The following BLTP3A variants were observed in gnomAD, a reference collection of about 807,000 sequenced individuals.
BLTP3A encodes the protein bridge-like lipid transfer protein family member 3A, also known as ICBP90 binding protein 1.
chr6:34,823,177 A>G, the BLTP3A span: 2 of 1,217,100 alleles, frequency 1.6e-6, no homozygotes, highest in South Asian at 2.4e-5. Flanking sequence ...GAGCACGGAG[A>G]TGAATGACAC....
chr6:34,835,921 A>G, the BLTP3A span, among the ~76,000 whole-genome samples: 1,291 of 152,338 alleles, frequency 8.5e-3, 19 homozygotes, highest in African/African-American at 0.027. Flanking sequence ...TGGGAGGGCA[A>G]TTCAGAACTA....
the BLTP3A span, chr6:34,856,971 T>C: frequency 6.3e-7 from 1 of 1,595,906 alleles, no homozygotes. Flanking sequence ...GGTGGAGCAG[T>C]TTACTTGGAA....
chr6:34,830,307 G>A, the BLTP3A span, among the ~76,000 whole-genome samples: 1 of 151,882 alleles, frequency 6.6e-6, no homozygotes, highest in African/African-American at 2.4e-5. Context: ...CCACAGAGCC[G>A]GCTGGGTGTG....
At chr6:34,864,522 CTTTT>C in the BLTP3A span, among the ~76,000 whole-genome samples, 6 of 109,448 alleles carry the variant, frequency 5.5e-5, no homozygotes, top group Non-Finnish European at 3.7e-5. Flanking sequence ...TGCTTATAGT[CTTTT>C]TTTTTTTTTT....
At chr6:34,802,934 G>A in the BLTP3A span, among the ~76,000 whole-genome samples, 1 of 152,242 alleles carries the variant, frequency 6.6e-6, no homozygotes, top group African/African-American at 2.4e-5. Context: ...CTAGCCCTTT[G>A]GGAGGCTAAG....
the BLTP3A span, chr6:34,856,248 G>A: frequency 6.8e-6 from 11 of 1,613,256 alleles, no homozygotes; most frequent in South Asian, 1.2e-4. Flanking sequence ...GGTGATAGCT[G>A]CAAACATTGG....
At chr6:34,857,553 T>C in the BLTP3A span, 1 of 1,549,564 alleles carries the variant, frequency 6.5e-7, no homozygotes, top group Admixed American at 2.0e-5. Flanking sequence ...TATATTTTTA[T>C]TTGTTGTTAG....
the BLTP3A span, chr6:34,834,521 G>GA: frequency 6.9e-7 from 1 of 1,448,042 alleles, no homozygotes. Context: ...CCATTCCTGG[G>GA]AACCCAGAGG....
chr6:34,869,215 TG>T, the BLTP3A span, among the ~76,000 whole-genome samples: 9 of 152,226 alleles, frequency 5.9e-5, no homozygotes, highest in African/African-American at 1.9e-4. Flanking sequence ...TTGACCAGGC[TG>T]GTCTCAAACT....
chr6:34,848,809 A>T, the BLTP3A span, among the ~76,000 whole-genome samples: 1 of 152,000 alleles, frequency 6.6e-6, no homozygotes, highest in South Asian at 2.1e-4. Flanking sequence ...TAGTCTATTT[A>T]CATTCAACAT....
chr6:34,796,774 G>T, the BLTP3A span, among the ~76,000 whole-genome samples: 1 of 152,028 alleles, frequency 6.6e-6, no homozygotes, highest in East Asian at 1.9e-4. Context: ...TGCAATCTCG[G>T]TTCATTGCAA....
the BLTP3A span, chr6:34,821,439 TGTTCTG>T: frequency 1.2e-5 from 5 of 406,974 alleles, no homozygotes; most frequent in South Asian, 1.1e-4. Context: ...TGAGTGCATT[TGTTCTG>T]GCTGGTCTGA....
At chr6:34,811,296 A>G in the BLTP3A span, among the ~76,000 whole-genome samples, 1 of 152,216 alleles carries the variant, frequency 6.6e-6, no homozygotes, top group South Asian at 2.1e-4. Context: ...CTATATGGAA[A>G]TGAAAAAGAC....
At chr6:34,842,908 GT>G in the BLTP3A span, among the ~76,000 whole-genome samples, 1 of 152,144 alleles carries the variant, frequency 6.6e-6, no homozygotes, top group South Asian at 2.1e-4. Context: ...CTTTGCTAGT[GT>G]TACTTATGTT....
chr6:34,856,745 G>A, the BLTP3A span: 4 of 1,598,274 alleles, frequency 2.5e-6, no homozygotes, highest in Non-Finnish European at 3.4e-6. Context: ...TTAGTAATGA[G>A]AGTTGAATGT....
chr6:34,839,637 G>A, the BLTP3A span, among the ~76,000 whole-genome samples: 1 of 152,252 alleles, frequency 6.6e-6, no homozygotes, highest in Non-Finnish European at 1.5e-5. Context: ...AGAACACTCG[G>A]TCGGTGGGGT....
the BLTP3A span, among the ~76,000 whole-genome samples, chr6:34,828,132 A>G: frequency 1.4e-4 from 21 of 152,166 alleles, no homozygotes; most frequent in Middle Eastern, 3.4e-3. Flanking sequence ...TACTTCTTCT[A>G]CATTGTTCTT....
At chr6:34,834,952 T>C in the BLTP3A span, 158 of 1,498,742 alleles carry the variant, frequency 1.1e-4, no homozygotes, top group African/African-American at 2.0e-3. Flanking sequence ...TGGAATGTTA[T>C]TGGCCCTGGA....
the BLTP3A span, among the ~76,000 whole-genome samples, chr6:34,819,156 CTTT>C: frequency 1.1e-4 from 16 of 142,888 alleles, no homozygotes; most frequent in African/African-American, 4.2e-4. Context: ...TTTTTTTTTA[CTTT>C]TTTTTTTATT....
Sources: allele counts gnomAD v4.1 joint callset (sites outside exome capture counted in the v4.1 genomes callset), GRCh38; gene constraint gnomAD v4.1.1; transcripts MANE v1.5; gene names NCBI Gene and HGNC (gene_info 2026-07-23, HGNC 2026-07-21).